Variants in PHACTR1 observed in about 807,000 individuals in gnomAD.
PHACTR1 encodes the protein phosphatase and actin regulator 1.
A neutral mutation model predicts 69.2 loss-of-function variants in PHACTR1; 16 were observed. The observed-to-expected ratio is 0.23, with a 90% CI of 0.16 to 0.35. The LOEUF is 0.35. Among genes scored for constraint, PHACTR1 ranks in the 10% least tolerant of loss-of-function variants. The pLI is 1.00. For synonymous variants in PHACTR1, 312 were observed against 284.5 expected, an observed-to-expected ratio of 1.10 and a Z score of -0.97; for missense variants, 510 against 734.7, an observed-to-expected ratio of 0.69 and a Z score of 3.54.
intron 4 of PHACTR1, among the ~76,000 whole-genome samples, chr6:12,840,577 A>G (rs1778590879): frequency 6.6e-6 from 1 of 152,172 alleles, no homozygotes; most frequent in Non-Finnish European, 1.5e-5. Flanking sequence ...TCATCCAGGA[A>G]GAGCAACAGC....
chr6:13,023,180 T>C (rs1801225459), intron 4 of PHACTR1, among the ~76,000 whole-genome samples: 1 of 152,190 alleles, frequency 6.6e-6, no homozygotes, highest in African/African-American at 2.4e-5. Context: ...CAAAAGCTAT[T>C]TGATGTTGTG....
At chr6:13,249,470 A>AT (rs940026616) in intron 10 of PHACTR1, among the ~76,000 whole-genome samples, 37 of 152,130 alleles carry the variant, frequency 2.4e-4, no homozygotes, top group African/African-American at 8.0e-4. Flanking sequence ...AGAAGATTAC[A>AT]TTTTTCTGGT....
chr6:12,805,429 C>T (rs936830469), intron 4 of PHACTR1, among the ~76,000 whole-genome samples: 2 of 152,126 alleles, frequency 1.3e-5, no homozygotes, highest in African/African-American at 4.8e-5. Flanking sequence ...AAACAATCCT[C>T]GTCACCACTC....
intron 5 of PHACTR1, among the ~76,000 whole-genome samples, chr6:13,085,411 A>G (rs972215718): frequency 6.6e-6 from 1 of 152,132 alleles, no homozygotes; most frequent in African/African-American, 2.4e-5. Context: ...TTAGAAGGTC[A>G]TAAAAGGATA....
rs187770347 is a variant in PHACTR1 at position 12,931,665 on chromosome 6, G to A, written c.251-121700G>A. Among the ~76,000 whole-genome samples, 460 of 152,006 alleles carry A rather than the reference G, an allele frequency of 3.0e-3. 1 individual carries two copies. The highest frequency in any genetic ancestry group is 5.3e-3 in the Non-Finnish European group (357 of 67,990). On this transcript the variant is annotated intron_variant, in intron 4 of 14. Coordinates refer to ENST00000332995, the MANE Select transcript of PHACTR1 (RefSeq NM_030948.6). ...CATCCGGGGACTTTAATTAAACAGC[G>A]GTGATAGTCACAAAGCAGAATCACA...
chr6:13,078,580 C>T (rs1810900569), intron 5 of PHACTR1, among the ~76,000 whole-genome samples: 1 of 152,172 alleles, frequency 6.6e-6, no homozygotes, highest in South Asian at 2.1e-4. Context: ...TAGGCATTTT[C>T]TGGAGGTTTG....
chr6:13,272,487 G>T, intron 10 of PHACTR1: 1 of 335,490 alleles, frequency 3.0e-6, no homozygotes, highest in East Asian at 7.2e-5. Flanking sequence ...CTCAAGGGAG[G>T]GAGAGAGAGG....
At chr6:13,277,631 G>T (rs1779194437) in intron 11 of PHACTR1, among the ~76,000 whole-genome samples, 1 of 150,918 alleles carries the variant, frequency 6.6e-6, no homozygotes, top group Non-Finnish European at 1.5e-5. Flanking sequence ...CCAAATGCCT[G>T]TGTGTCCCCG....
chr6:13,054,529 G>A (rs1806485312), intron 5 of PHACTR1, among the ~76,000 whole-genome samples: 1 of 152,176 alleles, frequency 6.6e-6, no homozygotes, highest in Admixed American at 6.5e-5. Flanking sequence ...GTTTTCTTCT[G>A]AGGCCTCTTC....
At chr6:13,242,034 TCAA>T (rs1772923745) in intron 10 of PHACTR1, among the ~76,000 whole-genome samples, 1 of 98,510 alleles carries the variant, frequency 1.0e-5, no homozygotes. Flanking sequence ...AGATTCTGTC[TCAA>T]AAAAAAAAAA....
intron 4 of PHACTR1, among the ~76,000 whole-genome samples, chr6:12,757,730 A>G (rs1047701180): frequency 3.9e-5 from 6 of 152,214 alleles, no homozygotes; most frequent in African/African-American, 1.4e-4. Flanking sequence ...TAGAACGATC[A>G]TTTGGGGGCA....
chr6:13,177,032 A>G (rs968775440), intron 6 of PHACTR1, among the ~76,000 whole-genome samples: 3 of 151,570 alleles, frequency 2.0e-5, no homozygotes, highest in African/African-American at 7.3e-5. Context: ...TCAGAATAAA[A>G]TGTCCTTCCT....
At chr6:13,214,368 A>G (rs2127249648) in intron 8 of PHACTR1, 1 of 152,354 alleles carries the variant, frequency 6.6e-6, no homozygotes, top group South Asian at 2.1e-4. Context: ...TTTACTTGTC[A>G]TGCCTGATAA....
intron 4 of PHACTR1, among the ~76,000 whole-genome samples, chr6:13,016,887 A>G (rs576429374): frequency 6.6e-6 from 1 of 152,262 alleles, no homozygotes; most frequent in Non-Finnish European, 1.5e-5. Flanking sequence ...CATCTGTTTC[A>G]CTTTAAAACC....
rs1292648164 is a variant in PHACTR1 at position 12,973,915 on chromosome 6, G to A, written c.251-79450G>A. ...ATACATTAGGGGTTGAAGAGGCTGG[G>A]ATTTTTTTTTTTTTTTTTTTTTTTG... On this transcript the variant is annotated intron_variant, in intron 4 of 14. Transcript: ENST00000332995. Among the ~76,000 whole-genome samples the A allele has an allele frequency of 3.3e-5, 4 of 121,000 alleles. No homozygotes were observed. In the Admixed American group the frequency reaches 3.6e-4, roughly 11 times the overall value. The allele number at this position is 121,000 out of a possible 152,430, so 79.4% of individuals were successfully genotyped here. A position where few individuals can be genotyped will look rare whatever the true frequency, so the allele number is the denominator to read the frequency against.
intron 4 of PHACTR1, among the ~76,000 whole-genome samples, chr6:12,953,221 G>T (rs1054281667): frequency 1.3e-5 from 2 of 152,136 alleles, no homozygotes; most frequent in Non-Finnish European, 2.9e-5. Flanking sequence ...TACTTGAGAG[G>T]CTGCGGCAGG....
intron 5 of PHACTR1, among the ~76,000 whole-genome samples, chr6:13,157,938 A>G (rs912781632): frequency 1.3e-5 from 2 of 151,902 alleles, no homozygotes; most frequent in African/African-American, 2.4e-5. Flanking sequence ...GCTGGAGTGC[A>G]GTGGCACAAT....
chr6:13,043,618 T>G (rs544086641), intron 4 of PHACTR1, among the ~76,000 whole-genome samples: 2 of 152,294 alleles, frequency 1.3e-5, no homozygotes, highest in South Asian at 2.1e-4. Flanking sequence ...ATCAGCAGAG[T>G]AGAGTACTTC....
intron 4 of PHACTR1, among the ~76,000 whole-genome samples, chr6:12,984,763 A>G (rs943667495): frequency 9.7e-5 from 13 of 134,366 alleles, no homozygotes; most frequent in Admixed American, 7.1e-4. Flanking sequence ...ACCTCCCCCA[A>G]CCGAGCAGTT....
Sources: gnomAD v4.1 joint callset for allele counts (sites outside exome capture counted in the v4.1 genomes callset) on GRCh38, gnomAD v4.1.1 for gene constraint, MANE v1.5 for transcripts, NCBI Gene and HGNC (gene_info 2026-07-23, HGNC 2026-07-21) for gene names.